Variants in RAB1B observed in about 807,000 individuals in gnomAD.
The protein encoded by RAB1B is ras-related protein Rab-1B.
In RAB1B, 10 loss-of-function variants were observed where a neutral mutation model predicts 24.8. The observed-to-expected ratio is 0.40, with a 90% confidence interval of 0.25 to 0.68. RAB1B has a LOEUF of 0.68. RAB1B is among the 30% of genes least tolerant of loss of function. The probability of loss-of-function intolerance (pLI) is 0.37; values close to 1 mark genes in which losing one functional copy is unlikely to be tolerated. For synonymous variants in RAB1B, 99 were observed against 111.7 expected, an observed-to-expected ratio of 0.89 and a Z score of 0.72; for missense variants, 154 against 271.2, an observed-to-expected ratio of 0.57 and a Z score of 3.04.
At chr11:66,270,009 G>A (rs1240045860) in intron 1 of RAB1B, 1 of 151,966 alleles carries the variant, frequency 6.6e-6, no homozygotes, top group Admixed American at 6.6e-5. Context: ...TGAGTAGCTG[G>A]GAATACAGAG....
chr11:66,271,602 T>G (rs1440416478), intron 1 of RAB1B, 195 bp from the exon 2 acceptor site: 3 of 490,204 alleles, frequency 6.1e-6, no homozygotes, highest in African/African-American at 6.0e-5. Flanking sequence ...GCCCGCAAGG[T>G]AGAGGCTGCA....
At chr11:66,272,026 G>A (rs1565181376) in intron 2 of RAB1B, 131 bp from the exon 3 acceptor site, 9 of 947,532 alleles carry the variant, frequency 9.5e-6, no homozygotes, top group Non-Finnish European at 1.4e-5. Context: ...AGACAGGGCT[G>A]GCCAGCTGAG....
chr11:66,274,459 C>T (rs1857109662), intron 4 of RAB1B, among the ~76,000 whole-genome samples: 1 of 152,178 alleles, frequency 6.6e-6, no homozygotes, highest in South Asian at 2.1e-4. Context: ...GCCAGGCCTT[C>T]AGCAGCAGTG....
intron 4 of RAB1B, 91 bp from the exon 5 acceptor site, chr11:66,275,713 T>C: frequency 7.1e-7 from 1 of 1,399,376 alleles, no homozygotes; most frequent in Non-Finnish European, 9.6e-7. Flanking sequence ...GGCCCGGAGC[T>C]GTACTGTTCC....
chr11:66,272,645 G>A lies in RAB1B; in HGVS notation c.279+185G>A, dbSNP rs1158188528. ...TGTACTTGGACTCATTTCACAAGGA[G>A]GGAAACAGCCACAGAAATGGATCCT... On this transcript the variant is annotated intron_variant, in intron 4 of 5. Transcript: ENST00000311481. 4 of 456,452 alleles carry A rather than the reference G, an allele frequency of 8.8e-6. No homozygotes were observed. The East Asian group carries it at 1.4e-4, about 16-fold the overall frequency. 28.3% of individuals were successfully genotyped at this position (456,452 alleles called of 1,614,324 possible).
At position 66,276,918 on chromosome 11, in the gene RAB1B, C is replaced by T. The variant is rs1443870395; in HGVS notation, c.*680C>T. The T allele has an allele frequency of 6.5e-6, 1 of 153,036 alleles. No homozygotes were observed. The highest frequency in any genetic ancestry group is 6.5e-5 in the Admixed American group (1 of 15,292). The allele number at this position is 153,036 out of a possible 1,614,324, so 9.5% of individuals were successfully genotyped here. On this transcript the variant is annotated 3_prime_UTR_variant, in exon 6 of 6. Transcript: ENST00000311481. ...GAGTCTGCTCCTGCCGCCCTCTGCC[C>T]TGCCAGAGACAGACCCATGCGCTGC...
intron 1 of RAB1B, among the ~76,000 whole-genome samples, chr11:66,268,905 C>T (rs1590882264): frequency 6.9e-6 from 1 of 145,556 alleles, no homozygotes; most frequent in South Asian, 2.3e-4. Context: ...GCACCCGGGG[C>T]CCAGACGTGG....
intron 4 of RAB1B, among the ~76,000 whole-genome samples, chr11:66,274,564 T>G (rs1857111350): frequency 6.6e-6 from 1 of 152,192 alleles, no homozygotes; most frequent in African/African-American, 2.4e-5. Context: ...CTTGCTATTC[T>G]GATCTGGGCT....
Position 66,276,321 on chromosome 11 carries a change from T to G in RAB1B, c.*83T>G. Reference sequence around the variant, plus strand: ...GGGGCAGGAGGTACCTCCCTCTCCCTCTCCTGGGGCATTTGAGTCTGTGGC... The same window carrying G: ...GGGGCAGGAGGTACCTCCCTCTCCCGCTCCTGGGGCATTTGAGTCTGTGGC... On this transcript the variant is annotated 3_prime_UTR_variant, in exon 6 of 6. Coordinates refer to ENST00000311481, the MANE Select transcript of RAB1B (RefSeq NM_030981.3). The G allele has an allele frequency of 7.7e-7, 1 of 1,304,752 alleles. No homozygotes were observed. Among genetic ancestry groups the G allele is most frequent in the Non-Finnish European group, 1.0e-6 (1 of 975,000 alleles). The allele number at this position is 1,304,752 out of a possible 1,614,324, so 80.8% of individuals were successfully genotyped here.
intron 4 of RAB1B, among the ~76,000 whole-genome samples, chr11:66,273,391 C>T (rs1467245656): frequency 6.6e-6 from 1 of 152,202 alleles, no homozygotes; most frequent in African/African-American, 2.4e-5. Context: ...GCCATATATC[C>T]AGTGATCTTA....
chr11:66,274,734 C>T (rs944541004), intron 4 of RAB1B, among the ~76,000 whole-genome samples: 7 of 143,606 alleles, frequency 4.9e-5, no homozygotes, highest in Admixed American at 2.8e-4. Flanking sequence ...TCCCCCTCTC[C>T]CCTCTTGCCT....
At chr11:66,274,866 C>T (rs567225776) in intron 4 of RAB1B, among the ~76,000 whole-genome samples, 2 of 151,794 alleles carry the variant, frequency 1.3e-5, no homozygotes, top group East Asian at 1.9e-4. Flanking sequence ...GTTCAGTGAC[C>T]TGGCACATGC....
chr11:66,268,862 C>T (rs967500817), intron 1 of RAB1B, among the ~76,000 whole-genome samples, 169 bp downstream of exon 1: 22 of 128,242 alleles, frequency 1.7e-4, no homozygotes, highest in African/African-American at 6.0e-4. Context: ...CCCCCAGGGG[C>T]CCCAGGACCC....
intron 1 of RAB1B, 105 bp downstream of exon 1, chr11:66,268,798 C>G (rs866588805): frequency 3.2e-5 from 38 of 1,183,492 alleles, no homozygotes; most frequent in Non-Finnish European, 4.0e-5. Flanking sequence ...GCGGCGCCCC[C>G]ACATCCGGGT....
intron 4 of RAB1B, among the ~76,000 whole-genome samples, chr11:66,274,079 ATCC>A (rs1416040376): frequency 1.3e-5 from 2 of 152,056 alleles, no homozygotes; most frequent in African/African-American, 4.8e-5. Flanking sequence ...GGCTTAAGGG[ATCC>A]TCCTGCTTCA....
chr11:66,272,299 T>G, intron 3 of RAB1B, 47 bp downstream of exon 3: 1 of 1,600,138 alleles, frequency 6.2e-7, no homozygotes, highest in Non-Finnish European at 8.6e-7. Context: ...GTATCCACCT[T>G]GGGAGGGAAG....
chr11:66,276,590 C>T lies in RAB1B; in HGVS notation c.*352C>T, dbSNP rs1857150443. ...GTATGCTGCACTGGGTTCTCTCCTTCTTCTTCCTGCTGTCCTGCCCAAGAA... is the reference window on the plus strand; with the variant it reads ...GTATGCTGCACTGGGTTCTCTCCTTTTTCTTCCTGCTGTCCTGCCCAAGAA... On this transcript the variant is annotated 3_prime_UTR_variant, in exon 6 of 6. Coordinates refer to ENST00000311481, the MANE Select transcript of RAB1B (RefSeq NM_030981.3). 4.4e-6 allele frequency: 1 copy of T among 226,526 alleles called. No homozygotes were observed. Among genetic ancestry groups the T allele is most frequent in the South Asian group, 9.8e-5 (1 of 10,154 alleles). 14.0% of individuals were successfully genotyped at this position (226,526 alleles called of 1,614,324 possible).
rs1287554260 is a variant in RAB1B at position 66,275,949 on chromosome 11, C to T, written c.411+14C>T. 19 of 1,610,780 alleles carry T rather than the reference C, an allele frequency of 1.2e-5. No individual in the cohort carries two copies. The highest frequency in any genetic ancestry group is 4.5e-5 in the East Asian group (2 of 44,722). ...ACCACAGCCAAGGTAGCAGACGGGC[C>T]GGTCTGCCCGGGGTCGGGGCGCTGG... On this transcript the variant is annotated intron_variant, in intron 5 of 5. Transcript: ENST00000311481.
intron 1 of RAB1B, among the ~76,000 whole-genome samples, chr11:66,269,190 C>G (rs567579368): frequency 1.3e-5 from 2 of 152,218 alleles, no homozygotes; most frequent in South Asian, 4.1e-4. Context: ...CGGGAGGCCC[C>G]GAAGCGCCGC....
Sources: allele counts gnomAD v4.1 joint callset (sites outside exome capture counted in the v4.1 genomes callset), GRCh38; gene constraint gnomAD v4.1.1; transcripts MANE v1.5; gene names NCBI Gene and HGNC (gene_info 2026-07-23, HGNC 2026-07-21).